Variants in PACRG observed in about 807,000 individuals in gnomAD.
The protein encoded by PACRG is parkin coregulated gene protein.
PACRG carries 29 observed loss-of-function variants against 29.7 expected under a neutral mutation model. The observed-to-expected ratio is 0.98, with a 90% confidence interval of 0.73 to 1.33. PACRG has a LOEUF of 1.33. Ranked by LOEUF, PACRG falls within the 40% of genes most tolerant of loss-of-function variation. PACRG has a pLI of 0.00. For synonymous variants in PACRG, 116 were observed against 118.7 expected, an observed-to-expected ratio of 0.98 and a Z score of 0.15; for missense variants, 279 against 316.2, an observed-to-expected ratio of 0.88 and a Z score of 0.89.
chr6:163,252,151 C>T (rs9295215), intron 4 of PACRG, among the ~76,000 whole-genome samples: 1 of 152,094 alleles, frequency 6.6e-6, no homozygotes, highest in Non-Finnish European at 1.5e-5. Flanking sequence ...CCCCACAAGA[C>T]GGGTGCACTG....
intron 4 of PACRG, among the ~76,000 whole-genome samples, chr6:163,143,803 G>T (rs924725003): frequency 1.3e-5 from 2 of 152,102 alleles, no homozygotes; most frequent in South Asian, 2.1e-4. Flanking sequence ...CTCATGGGTG[G>T]GTGGGAAACT....
At chr6:163,063,297 G>T (rs1300281029) in intron 3 of PACRG, among the ~76,000 whole-genome samples, 1 of 152,132 alleles carries the variant, frequency 6.6e-6, no homozygotes. Context: ...AACTGCCCAT[G>T]GCTTCGAGGG....
intron 2 of PACRG, among the ~76,000 whole-genome samples, chr6:162,876,244 T>G (rs1234548084): frequency 2.0e-5 from 3 of 152,214 alleles, no homozygotes; most frequent in Admixed American, 6.5e-5. Context: ...TGAAGCTTTC[T>G]TCTGACAAGG....
intron 2 of PACRG, among the ~76,000 whole-genome samples, chr6:162,953,483 G>T (rs1415708854): frequency 2.0e-5 from 3 of 151,950 alleles, no homozygotes. Context: ...AAGGCAACAT[G>T]AACAAAGCAA....
chr6:163,206,403 T>G (rs1780903826), intron 4 of PACRG, among the ~76,000 whole-genome samples: 1 of 152,030 alleles, frequency 6.6e-6, no homozygotes, highest in Admixed American at 6.6e-5. Flanking sequence ...GATCATGGCT[T>G]TTGCAGCAAC....
At chr6:163,162,564 C>T (rs1359924091) in intron 4 of PACRG, among the ~76,000 whole-genome samples, 1 of 152,258 alleles carries the variant, frequency 6.6e-6, no homozygotes, top group African/African-American at 2.4e-5. Context: ...CAAGTGCAGA[C>T]TACCAGAGTG....
chr6:163,300,688 C>CGG (rs1230648378), intron 4 of PACRG, among the ~76,000 whole-genome samples: 1 of 152,138 alleles, frequency 6.6e-6, no homozygotes, highest in African/African-American at 2.4e-5. Context: ...ATCAGGAAAC[C>CGG]GGAATATAAA....
At chr6:162,799,427 A>T (rs1313960129) in intron 1 of PACRG, among the ~76,000 whole-genome samples, 1 of 152,104 alleles carries the variant, frequency 6.6e-6, no homozygotes, top group Non-Finnish European at 1.5e-5. Flanking sequence ...ACTCCAATCT[A>T]GTGTTTCTTA....
intron 2 of PACRG, among the ~76,000 whole-genome samples, chr6:162,921,821 A>G (rs1300892976): frequency 1.3e-5 from 2 of 152,128 alleles, no homozygotes; most frequent in Non-Finnish European, 2.9e-5. Flanking sequence ...CAAAAAAGAG[A>G]ATTAATTGAA....
chr6:163,126,747 C>G (rs557183842), intron 4 of PACRG, among the ~76,000 whole-genome samples: 1 of 152,264 alleles, frequency 6.6e-6, no homozygotes, highest in African/African-American at 2.4e-5. Flanking sequence ...ATTATGAAAG[C>G]AAAATGCCAC....
At chr6:162,804,837 A>T (rs1048668383) in intron 1 of PACRG, among the ~76,000 whole-genome samples, 1 of 152,208 alleles carries the variant, frequency 6.6e-6, no homozygotes, top group African/African-American at 2.4e-5. Flanking sequence ...AAATACAGTC[A>T]TGTATTCCTT....
chr6:162,994,696 G>A (rs926879547), intron 2 of PACRG, among the ~76,000 whole-genome samples: 17 of 140,144 alleles, frequency 1.2e-4, no homozygotes, highest in South Asian at 2.3e-4. Context: ...ATGTCCTCCC[G>A]TAGCTCAGAG....
intron 4 of PACRG, among the ~76,000 whole-genome samples, chr6:163,147,572 C>T (rs1777852328): frequency 1.3e-5 from 2 of 152,182 alleles, no homozygotes; most frequent in South Asian, 2.1e-4. Context: ...AAGCTCTATT[C>T]ACCAATCTTG....
intron 2 of PACRG, among the ~76,000 whole-genome samples, chr6:162,955,153 A>C (rs1021358094): frequency 2.0e-5 from 3 of 152,200 alleles, no homozygotes; most frequent in African/African-American, 7.2e-5. Context: ...AGATGAAGAG[A>C]GAAAGAAAAG....
chr6:163,193,900 TTTTTTTTC>T (rs929563400), intron 4 of PACRG, among the ~76,000 whole-genome samples: 9 of 82,502 alleles, frequency 1.1e-4, no homozygotes, highest in African/African-American at 1.8e-4. Flanking sequence ...CTTTTTTTTT[TTTTTTTTC>T]CTGAGATGGA....
At chr6:163,238,004 C>T (rs1431472913) in intron 4 of PACRG, among the ~76,000 whole-genome samples, 1 of 152,192 alleles carries the variant, frequency 6.6e-6, no homozygotes, top group Non-Finnish European at 1.5e-5. Context: ...CAACTAAACA[C>T]AGGATGTGCT....
At chr6:162,933,060 T>C (rs1295504497) in intron 2 of PACRG, among the ~76,000 whole-genome samples, 2 of 152,054 alleles carry the variant, frequency 1.3e-5, no homozygotes, top group African/African-American at 4.8e-5. Flanking sequence ...ATGTTTAGTG[T>C]TTTTATTTTC....
chr6:163,298,248 C>G (rs1310771539), intron 4 of PACRG, among the ~76,000 whole-genome samples: 1 of 148,730 alleles, frequency 6.7e-6, no homozygotes, highest in Non-Finnish European at 1.5e-5. Flanking sequence ...AAATCACTCT[C>G]ACAAAGGAAA....
intron 2 of PACRG, among the ~76,000 whole-genome samples, chr6:163,022,996 C>A (rs1806779791): frequency 6.6e-6 from 1 of 152,084 alleles, no homozygotes; most frequent in Non-Finnish European, 1.5e-5. Flanking sequence ...TGCATGTAGA[C>A]CTTATTTTCA....
Sources: gnomAD v4.1 joint callset for allele counts (sites outside exome capture counted in the v4.1 genomes callset) on GRCh38, gnomAD v4.1.1 for gene constraint, MANE v1.5 for transcripts, NCBI Gene and HGNC (gene_info 2026-07-23, HGNC 2026-07-21) for gene names.